The following TLN2 variants were observed in gnomAD, a reference collection of about 807,000 sequenced individuals.
The protein encoded by TLN2 is talin 2.
In TLN2, 118 loss-of-function variants were observed where a neutral mutation model predicts 294.7. The ratio of observed to expected loss-of-function variants is 0.40; its 90% CI spans 0.34 to 0.47. The LOEUF is 0.47. Among genes scored for constraint, TLN2 ranks in the 20% least tolerant of loss-of-function variants. The pLI is 0.84. For missense variants in TLN2, 3,083 were observed against 3,282.2 expected, an observed-to-expected ratio of 0.94 and a Z score of 1.48; for synonymous variants, 1,431 against 1,304.5, an observed-to-expected ratio of 1.10 and a Z score of -2.09.
intron 54 of TLN2, among the ~76,000 whole-genome samples, chr15:62,825,984 C>G (rs762471639): frequency 8.6e-4 from 126 of 146,012 alleles, no homozygotes; most frequent in Admixed American, 3.0e-3. Flanking sequence ...CGGGATCGTG[C>G]CACTGCACTC....
At chr15:62,836,562 C>T (rs932944025) in intron 57 of TLN2, among the ~76,000 whole-genome samples, 5 of 152,234 alleles carry the variant, frequency 3.3e-5, no homozygotes, top group African/African-American at 1.2e-4. Flanking sequence ...AGGAGGCCTT[C>T]AGCCAGTGTC....
intron 13 of TLN2, among the ~76,000 whole-genome samples, chr15:62,693,513 C>T (rs2058085152): frequency 6.6e-6 from 1 of 152,178 alleles, no homozygotes; most frequent in Non-Finnish European, 1.5e-5. Flanking sequence ...TAGCACCCCT[C>T]AGCATCTTCC....
chr15:62,755,606 G>C lies in TLN2; in HGVS notation c.4551G>C (p.Lys1517Asn), dbSNP rs758040600. ...ATGCCTGCCGCATCGCCTCATCCAA[G>C]ACGGCCAACCCAGTAGCCAAGAGGC... ...LCNACRIASS[K>N]TANPVAKRHF... Residue 1517 changes from lysine (K) to asparagine (N), a missense_variant, in exon 37 of 59, where the codon AAG (lysine) becomes AAC (asparagine). Lys to Asn is a moderately conservative substitution (Grantham distance 94). Transcript: ENST00000636159. 1.5e-5 allele frequency: 24 copies of C among 1,614,106 alleles called. No individual in the cohort carries two copies. Among genetic ancestry groups the C allele is most frequent in the Middle Eastern group, 3.3e-4 (2 of 6,084 alleles).
chr15:62,439,710 ACT>A (rs904224704), intron 1 of TLN2, among the ~76,000 whole-genome samples: 3 of 151,922 alleles, frequency 2.0e-5, no homozygotes, highest in African/African-American at 7.3e-5. Context: ...CCAGTCAGTG[ACT>A]CTCTGATTGT....
At chr15:62,578,062 A>G (rs1025890735) in intron 1 of TLN2, among the ~76,000 whole-genome samples, 1 of 152,168 alleles carries the variant, frequency 6.6e-6, no homozygotes, top group Non-Finnish European at 1.5e-5. Context: ...CATGGTGTAT[A>G]TGTGCCGTAT....
intron 43 of TLN2, among the ~76,000 whole-genome samples, chr15:62,778,511 C>T (rs375913793): frequency 5.3e-5 from 8 of 152,198 alleles, no homozygotes; most frequent in Non-Finnish European, 1.2e-4. Flanking sequence ...CAGTACCACT[C>T]AAATGATAGG....
intron 3 of TLN2, among the ~76,000 whole-genome samples, chr15:62,624,522 T>C (rs980220028): frequency 3.9e-5 from 6 of 152,252 alleles, no homozygotes; most frequent in African/African-American, 1.4e-4. Flanking sequence ...TCATTCATTG[T>C]TGACATTGAA....
intron 1 of TLN2, among the ~76,000 whole-genome samples, chr15:62,465,110 TTTTTTTTTTTTTTTTTTG>T (rs1290822715): frequency 1.4e-5 from 2 of 142,830 alleles, no homozygotes; most frequent in Non-Finnish European, 3.2e-5. Context: ...GCGCGTTTTT[TTTTTTTTTTTTTTTTTTG>T]GTTTTTGTTT....
intron 1 of TLN2, among the ~76,000 whole-genome samples, chr15:62,500,422 A>G (rs1048135230): frequency 2.6e-5 from 4 of 152,210 alleles, no homozygotes; most frequent in African/African-American, 9.6e-5. Flanking sequence ...CTAGGGAACA[A>G]ATATTCATTG....
At position 62,510,351 on chromosome 15, in the gene TLN2, A is replaced by G. The variant is rs565089601; in HGVS notation, c.-237-79336A>G. Among the ~76,000 whole-genome samples the G allele has an allele frequency of 2.4e-4, 37 of 152,344 alleles. 1 individual carries two copies. The highest frequency in any genetic ancestry group is 1.0e-3 in the South Asian group (5 of 4,830). On this transcript the variant is annotated intron_variant, in intron 1 of 58. Coordinates refer to ENST00000636159, the MANE Select transcript of TLN2 (RefSeq NM_015059.3). ...GATCAGCTAGGCTTGGGTGTCGCTT[A>G]GTAGCTTTGTGCAAATCATTTCATC...
rs372129754 is a variant in TLN2 at position 62,657,617 on chromosome 15, G to T, written c.661-154G>T. ...TTTTGCCTTAGTTTTCTCCCATGCG[G>T]TGATCATCCACTGTGTCCTGCACAT... On this transcript the variant is annotated intron_variant, in intron 8 of 58. Coordinates refer to ENST00000636159, the MANE Select transcript of TLN2 (RefSeq NM_015059.3). Among the ~76,000 whole-genome samples the T allele has an allele frequency of 2.6e-5, 4 of 152,194 alleles. No homozygotes were observed. In the East Asian group the frequency reaches 7.7e-4, roughly 29 times the overall value.
intron 28 of TLN2, among the ~76,000 whole-genome samples, chr15:62,732,074 T>C (rs2060760551): frequency 6.6e-6 from 1 of 152,130 alleles, no homozygotes; most frequent in Non-Finnish European, 1.5e-5. Context: ...TTGTGGATTG[T>C]TTAGGACTCC....
At chr15:62,783,689 G>T in intron 44 of TLN2, 82 bp from the exon 45 acceptor site, 1 of 1,478,784 alleles carries the variant, frequency 6.8e-7, no homozygotes, top group Non-Finnish European at 9.0e-7. Context: ...GGCTTCCAGT[G>T]ATATTAACAC....
At chr15:62,534,175 C>A (rs1207278646) in intron 1 of TLN2, among the ~76,000 whole-genome samples, 1 of 152,132 alleles carries the variant, frequency 6.6e-6, no homozygotes, top group Non-Finnish European at 1.5e-5. Flanking sequence ...CCAAGCAATT[C>A]TCCAGGGGAT....
chr15:62,470,763 A>C (rs1025585404), intron 1 of TLN2, among the ~76,000 whole-genome samples: 6 of 152,180 alleles, frequency 3.9e-5, no homozygotes, highest in African/African-American at 1.4e-4. Context: ...GGCATCTTTG[A>C]AGGTCTAAAA....
intron 1 of TLN2, among the ~76,000 whole-genome samples, chr15:62,446,611 C>A (rs1334233538): frequency 3.9e-5 from 6 of 152,112 alleles, no homozygotes; most frequent in African/African-American, 1.4e-4. Context: ...CATCTCTGGA[C>A]TTCAGTTTTC....
intron 52 of TLN2, among the ~76,000 whole-genome samples, chr15:62,811,829 C>T (rs749653870): frequency 5.3e-5 from 8 of 151,956 alleles, no homozygotes; most frequent in Non-Finnish European, 8.8e-5. Context: ...CTGGCCAACA[C>T]TGTGAAACTC....
At position 62,587,224 on chromosome 15, in the gene TLN2, CAG is replaced by C. The variant is rs571122112; in HGVS notation, c.-237-2459_-237-2458del. 6.2e-4 allele frequency among the ~76,000 whole-genome samples: 95 copies of C among 152,294 alleles called. 1 individual carries two copies. In the South Asian group the frequency reaches 0.019, roughly 31 times the overall value. Reference sequence around the variant, plus strand: ...TAAAGTCAGGGAGGAAAAATTGTGACAGAGAAGGAGAGTGGACATTGATATCG... The same window carrying C: ...TAAAGTCAGGGAGGAAAAATTGTGACAGAAGGAGAGTGGACATTGATATCG... On this transcript the variant is annotated intron_variant, in intron 1 of 58. Coordinates refer to ENST00000636159, the MANE Select transcript of TLN2 (RefSeq NM_015059.3).
chr15:62,700,914 C>T (rs1008610201), intron 16 of TLN2, among the ~76,000 whole-genome samples, 192 bp from the exon 17 acceptor site: 6 of 152,314 alleles, frequency 3.9e-5, no homozygotes, highest in East Asian at 1.9e-4. Flanking sequence ...AGAATTTGCA[C>T]GCCATTGAGT....
Sources: allele counts gnomAD v4.1 joint callset (sites outside exome capture counted in the v4.1 genomes callset), GRCh38; gene constraint gnomAD v4.1.1; transcripts MANE v1.5; gene names NCBI Gene and HGNC (gene_info 2026-07-23, HGNC 2026-07-21).